Variants in TBC1D2B observed in about 807,000 individuals in gnomAD.
TBC1D2B encodes TBC1 domain family member 2B, also known as TBC1 domain family, member 2B.
A neutral mutation model predicts 100.8 loss-of-function variants in TBC1D2B; 64 were observed. The observed-to-expected ratio is 0.64, with a 90% CI of 0.52 to 0.78. The LOEUF (loss-of-function observed/expected upper bound fraction) is 0.78, where lower values mean the gene tolerates loss of function less well. Among genes scored for constraint, TBC1D2B ranks in the 30% least tolerant of loss-of-function variants. The pLI is 0.00. For synonymous variants in TBC1D2B, 480 were observed against 479.7 expected (o/e 1.00, Z -0.01); for missense variants, 1,052 against 1,218.4 (o/e 0.86, Z 2.03).
chr15:78,006,743 G>A (rs1445641172), intron 10 of TBC1D2B, among the ~76,000 whole-genome samples: 1 of 152,230 alleles, frequency 6.6e-6, no homozygotes, highest in African/African-American at 2.4e-5. Flanking sequence ...CAAGCGTGCA[G>A]GCTCTGTGCA....
chr15:78,034,962 AG>A (rs2072912307), intron 3 of TBC1D2B, among the ~76,000 whole-genome samples: 1 of 152,050 alleles, frequency 6.6e-6, no homozygotes, highest in Non-Finnish European at 1.5e-5. Context: ...GTACTCCATG[AG>A]GAGTTCACAG....
intron 3 of TBC1D2B, among the ~76,000 whole-genome samples, chr15:78,037,852 A>G (rs943292371): frequency 6.6e-6 from 1 of 152,204 alleles, no homozygotes; most frequent in Non-Finnish European, 1.5e-5. Flanking sequence ...TTTACATAAC[A>G]ACAGTATACA....
chr15:78,041,834 C>T (rs1313780865), intron 3 of TBC1D2B, among the ~76,000 whole-genome samples: 1 of 152,216 alleles, frequency 6.6e-6, no homozygotes, highest in East Asian at 1.9e-4. Context: ...CCAGCAACAG[C>T]AACAACTAAC....
chr15:78,009,500 A>C (rs1050528652), intron 9 of TBC1D2B, among the ~76,000 whole-genome samples: 4 of 151,986 alleles, frequency 2.6e-5, no homozygotes, highest in Non-Finnish European at 5.9e-5. Flanking sequence ...TAATCGCACT[A>C]CTGCACTCCA....
rs2071719376 is a variant in TBC1D2B at position 77,995,294 on chromosome 15, G to A, written c.*2866C>T. On this transcript the variant is annotated 3_prime_UTR_variant, in exon 13 of 13. Coordinates refer to ENST00000300584, the MANE Select transcript of TBC1D2B (RefSeq NM_144572.2). ...AAACATGTAGCTAGAAAACCCAACC[G>A]AGGATCTGTCTAGAATACTTCCGAT... 6.6e-6 allele frequency: 1 copy of A among 152,234 alleles called. No homozygotes were observed. Among genetic ancestry groups the A allele is most frequent in the Admixed American group, 6.5e-5 (1 of 15,286 alleles). 9.4% of individuals were successfully genotyped at this position (152,234 alleles called of 1,614,324 possible).
At chr15:78,049,587 T>C (rs946388115) in intron 2 of TBC1D2B, among the ~76,000 whole-genome samples, 4 of 152,032 alleles carry the variant, frequency 2.6e-5, no homozygotes, top group Non-Finnish European at 5.9e-5. Flanking sequence ...TTCCTCCCTG[T>C]TCTCCTGCAA....
At position 78,077,644 on chromosome 15, in the gene TBC1D2B, C is replaced by T. The variant is rs1007408702; in HGVS notation, c.9G>A (p.Gly3=). MP[G]AGARAEEGGG... is the part of the protein sequence containing the mutation. Reference sequence around the variant, plus strand: ...CGCCCTCCTCCGCCCGGGCTCCGGCCCCCGGCATCGCTACCGCGCGCCAAC... The same window carrying T: ...CGCCCTCCTCCGCCCGGGCTCCGGCTCCCGGCATCGCTACCGCGCGCCAAC... The change falls in exon 1 of 13, where the codon GGG becomes GGA. Residue 3 remains glycine (G), a synonymous_variant. Transcript: ENST00000300584. 3.0e-6 allele frequency: 3 copies of T among 991,294 alleles called. No homozygotes were observed. In the African/African-American group the frequency reaches 5.3e-5, roughly 17 times the overall value. The allele number at this position is 991,294 out of a possible 1,614,324, so 61.4% of individuals were successfully genotyped here.
chr15:78,042,413 C>T (rs766259179), intron 3 of TBC1D2B, among the ~76,000 whole-genome samples: 1 of 151,992 alleles, frequency 6.6e-6, no homozygotes, highest in Non-Finnish European at 1.5e-5. Context: ...CACACACTTG[C>T]TATGTGATCT....
chr15:78,073,740 GGC>G, intron 1 of TBC1D2B, among the ~76,000 whole-genome samples: 1 of 152,284 alleles, frequency 6.6e-6, no homozygotes, highest in African/African-American at 2.4e-5. Flanking sequence ...GAGAGGCAGA[GGC>G]AGGTGGATCA....
intron 1 of TBC1D2B, among the ~76,000 whole-genome samples, chr15:78,056,605 G>A (rs575856646): frequency 6.6e-6 from 1 of 151,478 alleles, no homozygotes; most frequent in East Asian, 1.9e-4. Flanking sequence ...CAGGAAGGGA[G>A]AGAAGAGTCA....
chr15:78,025,774 C>T (rs2072650294), intron 4 of TBC1D2B: 2 of 192,220 alleles, frequency 1.0e-5, no homozygotes, highest in Non-Finnish European at 2.1e-5. Flanking sequence ...GATCCTTCCT[C>T]CTCGGCCTCC....
intron 3 of TBC1D2B, among the ~76,000 whole-genome samples, chr15:78,032,772 A>G (rs2072848495): frequency 6.6e-6 from 1 of 152,180 alleles, no homozygotes; most frequent in African/African-American, 2.4e-5. Flanking sequence ...TGTGGAAGGA[A>G]AGACTAGAAA....
At chr15:78,005,899 A>C (rs1168147896) in intron 10 of TBC1D2B, among the ~76,000 whole-genome samples, 1 of 152,258 alleles carries the variant, frequency 6.6e-6, no homozygotes, top group African/African-American at 2.4e-5. Flanking sequence ...TCTTAAATCC[A>C]GACATTTAAA....
chr15:78,066,595 A>G (rs1346786123), intron 1 of TBC1D2B, among the ~76,000 whole-genome samples: 1 of 152,230 alleles, frequency 6.6e-6, no homozygotes, highest in African/African-American at 2.4e-5. Flanking sequence ...TCCACACAAA[A>G]TTTAAGAACT....
chr15:78,047,234 G>A (rs1231041051), intron 2 of TBC1D2B, among the ~76,000 whole-genome samples: 3 of 150,196 alleles, frequency 2.0e-5, no homozygotes, highest in Admixed American at 6.7e-5. Flanking sequence ...GTGTGATCAC[G>A]GCTCACTGCA....
At chr15:78,025,137 A>G in intron 5 of TBC1D2B, 122 bp downstream of exon 5, 1 of 795,704 alleles carries the variant, frequency 1.3e-6, no homozygotes, top group Admixed American at 2.7e-5. Flanking sequence ...TCCAGGGGAA[A>G]AGCAACTCCT....
chr15:78,040,855 G>GAAGGAAGGAAGGAAGAAAGAAAGAAAGA (rs71447186), intron 3 of TBC1D2B, among the ~76,000 whole-genome samples: 24 of 74,736 alleles, frequency 3.2e-4, no homozygotes, highest in Middle Eastern at 6.4e-3. Flanking sequence ...AGAAAGAAAG[G>GAAGGAAGGAAGGAAGAAAGAAAGAAAGA]AAGAAAGAAA....
rs907220090 is a variant in TBC1D2B at position 77,997,807 on chromosome 15, GAGATGCCC to G, written c.*345_*352del. 2 of 193,774 alleles carry G rather than the reference GAGATGCCC, an allele frequency of 1.0e-5. No homozygotes were observed. The highest frequency in any genetic ancestry group is 4.7e-5 in the African/African-American group (2 of 42,834). The allele number at this position is 193,774 out of a possible 1,614,324, so 12.0% of individuals were successfully genotyped here. A position where few individuals can be genotyped will look rare whatever the true frequency, so the allele number is the denominator to read the frequency against. On this transcript the variant is annotated 3_prime_UTR_variant, in exon 13 of 13. Transcript: ENST00000300584. The stretch of plus-strand genomic sequence containing the variant: ...CTATGTACAGGAGAGAGAATATGGG[GAGATGCCC>G]AGCAAAGCAAGGTTTCAGAGGGTCA...
chr15:78,001,253 A>G (rs143247761), intron 12 of TBC1D2B, among the ~76,000 whole-genome samples: 2 of 152,318 alleles, frequency 1.3e-5, no homozygotes, highest in Non-Finnish European at 2.9e-5. Context: ...GATGCGCAAC[A>G]GTGTCCCCAG....
Sources: allele counts gnomAD v4.1 joint callset (sites outside exome capture counted in the v4.1 genomes callset), GRCh38; gene constraint gnomAD v4.1.1; transcripts MANE v1.5; gene names NCBI Gene and HGNC (gene_info 2026-07-23, HGNC 2026-07-21).